The following FBXL17 variants were observed in gnomAD, a reference collection of about 807,000 sequenced individuals.
The protein encoded by FBXL17 is F-box/LRR-repeat protein 17.
FBXL17 carries 22 observed loss-of-function variants against 66.2 expected under a neutral mutation model. The ratio of observed to expected loss-of-function variants is 0.33; its 90% CI spans 0.24 to 0.47. The LOEUF is 0.47. Among genes scored for constraint, FBXL17 ranks in the 20% least tolerant of loss-of-function variants. The probability of loss-of-function intolerance (pLI) is 1.00; values close to 1 mark genes in which losing one functional copy is unlikely to be tolerated. For synonymous variants in FBXL17, 474 were observed against 400.5 expected (o/e 1.18, Z -2.19); for missense variants, 878 against 948.2 (o/e 0.93, Z 0.97).
At chr5:108,028,491 A>G (rs1309587765) in intron 6 of FBXL17, among the ~76,000 whole-genome samples, 1 of 152,188 alleles carries the variant, frequency 6.6e-6, no homozygotes, top group Non-Finnish European at 1.5e-5. Context: ...AAAAGCACTC[A>G]GAAGATGAGA....
At chr5:108,042,299 C>A (rs1002807377) in intron 6 of FBXL17, among the ~76,000 whole-genome samples, 1 of 152,144 alleles carries the variant, frequency 6.6e-6, no homozygotes, top group Non-Finnish European at 1.5e-5. Context: ...CACCATCTTG[C>A]AAAATTATAG....
intron 6 of FBXL17, among the ~76,000 whole-genome samples, chr5:108,076,439 T>C (rs934579749): frequency 6.6e-6 from 1 of 152,190 alleles, no homozygotes; most frequent in African/African-American, 2.4e-5. Context: ...GAGTTAACAT[T>C]ATAATAAGTA....
chr5:108,177,911 G>A lies in FBXL17; in HGVS notation c.1745+8206C>T, dbSNP rs866272398. Among the ~76,000 whole-genome samples, 281 of 115,226 alleles carry A rather than the reference G, an allele frequency of 2.4e-3. 4 individuals carry two copies. The highest frequency in any genetic ancestry group is 3.6e-3 in the Non-Finnish European group (193 of 54,042). 75.6% of individuals were successfully genotyped at this position (115,226 alleles called of 152,430 possible). A position where few individuals can be genotyped will look rare whatever the true frequency, so the allele number is the denominator to read the frequency against. Reference sequence around the variant, plus strand: ...TTATCCTTGCTCCAGAAAAAAAAATGTATATATATATATATATATATACAC... The same window carrying A: ...TTATCCTTGCTCCAGAAAAAAAAATATATATATATATATATATATATACAC... On this transcript the variant is annotated intron_variant, in intron 6 of 8. Coordinates refer to ENST00000542267, the MANE Select transcript of FBXL17 (RefSeq NM_001163315.3).
chr5:108,343,335 C>T lies in FBXL17; in HGVS notation c.1506+5064G>A, dbSNP rs559199108. Among the ~76,000 whole-genome samples the T allele has an allele frequency of 2.3e-4, 35 of 152,226 alleles. 1 individual carries two copies. The South Asian group carries it at 2.5e-3, about 11-fold the overall frequency. Reference sequence around the variant, plus strand: ...CTACCATTCTGGGTTTAAGTAAATGCCCCATCCATTAAGAGGGGAAAGAAC... The same window carrying T: ...CTACCATTCTGGGTTTAAGTAAATGTCCCATCCATTAAGAGGGGAAAGAAC... On this transcript the variant is annotated intron_variant, in intron 4 of 8. Coordinates refer to ENST00000542267, the MANE Select transcript of FBXL17 (RefSeq NM_001163315.3).
At chr5:107,927,090 A>G (rs1483626760) in intron 7 of FBXL17, among the ~76,000 whole-genome samples, 1 of 152,164 alleles carries the variant, frequency 6.6e-6, no homozygotes, top group Non-Finnish European at 1.5e-5. Flanking sequence ...ATTAAAATGA[A>G]TCCCCTAAAG....
intron 7 of FBXL17, among the ~76,000 whole-genome samples, chr5:107,941,303 T>C (rs1417512497): frequency 6.6e-6 from 1 of 152,154 alleles, no homozygotes; most frequent in East Asian, 1.9e-4. Context: ...AACTCCATGA[T>C]TCTCTATCAT....
chr5:108,172,047 G>A (rs923672285), intron 6 of FBXL17, among the ~76,000 whole-genome samples: 35 of 152,142 alleles, frequency 2.3e-4, no homozygotes, highest in Non-Finnish European at 1.5e-5. Flanking sequence ...GTCCAATTAA[G>A]CCTCTTTCTT....
chr5:108,342,797 A>C (rs1274219237), intron 4 of FBXL17, among the ~76,000 whole-genome samples: 1 of 152,224 alleles, frequency 6.6e-6, no homozygotes, highest in Non-Finnish European at 1.5e-5. Context: ...GGTATATTAA[A>C]AATACTCAAT....
chr5:108,357,156 A>C (rs1322379674), intron 3 of FBXL17, among the ~76,000 whole-genome samples: 4 of 152,058 alleles, frequency 2.6e-5, no homozygotes, highest in Non-Finnish European at 5.9e-5. Flanking sequence ...GTTTAAGAAG[A>C]ATTACAATTA....
chr5:107,891,551 AG>A (rs1329451639), intron 7 of FBXL17, among the ~76,000 whole-genome samples: 1 of 152,162 alleles, frequency 6.6e-6, no homozygotes, highest in Admixed American at 6.5e-5. Context: ...GATGGAGAGA[AG>A]GGGTTGAATT....
chr5:108,381,800 C>T lies in FBXL17; in HGVS notation c.-109G>A. ...GCTGGCTCGGCCCCCGGAGGGGTCG[C>T]CCTTCCTGCGCACACACACGCACAC... On this transcript the variant is annotated 5_prime_UTR_variant, in exon 1 of 9. Transcript: ENST00000542267. 7.4e-7 allele frequency: 1 copy of T among 1,353,490 alleles called. No individual in the cohort carries two copies. Among genetic ancestry groups the T allele is most frequent in the African/African-American group, 1.5e-5 (1 of 65,114 alleles). 83.8% of individuals were successfully genotyped at this position (1,353,490 alleles called of 1,614,324 possible). A position where few individuals can be genotyped will look rare whatever the true frequency, so the allele number is the denominator to read the frequency against.
chr5:108,276,119 A>C (rs564301806), intron 4 of FBXL17, among the ~76,000 whole-genome samples: 1 of 152,318 alleles, frequency 6.6e-6, no homozygotes, highest in East Asian at 1.9e-4. Flanking sequence ...ACGAAACAAA[A>C]TGCTTAATTA....
Position 108,114,149 on chromosome 5 carries a change from A to C in FBXL17, c.1745+71968T>G, listed in dbSNP as rs116733283. On this transcript the variant is annotated intron_variant, in intron 6 of 8. Coordinates refer to ENST00000542267, the MANE Select transcript of FBXL17 (RefSeq NM_001163315.3). ...CTTCATTATCATTCTGTAATAAATAAACAAGAAAGTACCCCTCCCGAAGAG... is the reference window on the plus strand; with the variant it reads ...CTTCATTATCATTCTGTAATAAATACACAAGAAAGTACCCCTCCCGAAGAG... Among the ~76,000 whole-genome samples the C allele has an allele frequency of 8.0e-3, 1,225 of 152,284 alleles. 18 individuals carry two copies. The highest frequency in any genetic ancestry group is 0.027 in the African/African-American group (1,110 of 41,562).
chr5:108,302,114 A>G (rs1342978181), intron 4 of FBXL17: 2 of 698,548 alleles, frequency 2.9e-6, no homozygotes, highest in Non-Finnish European at 3.5e-6. Context: ...GGTCAAGGCT[A>G]CTTTTTCTGA....
intron 4 of FBXL17, among the ~76,000 whole-genome samples, chr5:108,245,624 C>T (rs536441705): frequency 6.6e-6 from 1 of 152,220 alleles, no homozygotes; most frequent in South Asian, 2.1e-4. Context: ...ATGGAGAATC[C>T]ACCATCCATC....
intron 7 of FBXL17, among the ~76,000 whole-genome samples, chr5:107,933,389 C>T (rs758209167): frequency 6.6e-6 from 1 of 152,044 alleles, no homozygotes; most frequent in Non-Finnish European, 1.5e-5. Context: ...TTGTTTTGGT[C>T]CAGTAGGCAA....
chr5:108,373,360 A>G lies in FBXL17; in HGVS notation c.994-5407T>C, dbSNP rs1749190516. Among the ~76,000 whole-genome samples, 2 of 46,708 alleles carry G rather than the reference A, an allele frequency of 4.3e-5. 1 individual carries two copies. The highest frequency in any genetic ancestry group is 1.6e-4 in the African/African-American group (2 of 12,800). 30.6% of individuals were successfully genotyped at this position (46,708 alleles called of 152,430 possible). On this transcript the variant is annotated intron_variant, in intron 1 of 8. Transcript: ENST00000542267. ...ATCTAAATATAATATATCTAAATAT[A>G]TATTAATATAAATATATATCTAAAT...
At chr5:108,011,917 C>A (rs1754192081) in intron 7 of FBXL17, among the ~76,000 whole-genome samples, 1 of 152,050 alleles carries the variant, frequency 6.6e-6, no homozygotes, top group African/African-American at 2.4e-5. Context: ...GAAAGGAATT[C>A]AAGAAAGCAA....
At position 108,294,353 on chromosome 5, in the gene FBXL17, G is replaced by A. The variant is rs1321093177; in HGVS notation, c.1506+54046C>T. On this transcript the variant is annotated intron_variant, in intron 4 of 8. Coordinates refer to ENST00000542267, the MANE Select transcript of FBXL17 (RefSeq NM_001163315.3). Reference sequence around the variant, plus strand: ...AAATACAGGCTCTAACCCAAAAAAGGATGAATTCTTCTTATTTTATTGTCT... The same window carrying A: ...AAATACAGGCTCTAACCCAAAAAAGAATGAATTCTTCTTATTTTATTGTCT... Among the ~76,000 whole-genome samples the A allele has an allele frequency of 1.3e-5, 2 of 149,880 alleles. 1 individual carries two copies. The highest frequency in any genetic ancestry group is 3.9e-4 in the East Asian group (2 of 5,126).
Sources: gnomAD v4.1 joint callset for allele counts (sites outside exome capture counted in the v4.1 genomes callset) on GRCh38, gnomAD v4.1.1 for gene constraint, MANE v1.5 for transcripts, NCBI Gene and HGNC (gene_info 2026-07-23, HGNC 2026-07-21) for gene names.